Variants in GCFC2 observed in about 807,000 individuals in gnomAD.
GCFC2 encodes the protein GC-rich sequence DNA-binding factor 2, also known as intron Large complex component GCFC2.
Under a neutral mutation model 99.4 loss-of-function variants are expected in GCFC2, and 102 were observed. That is an observed-to-expected ratio of 1.03 (90% CI 0.87 to 1.21). The LOEUF is 1.21. GCFC2 is among the 50% of genes most tolerant of loss of function. GCFC2 has a pLI of 0.00. For missense variants in GCFC2, 973 were observed against 920.9 expected (o/e 1.06, Z -0.73); for synonymous variants, 338 against 316.8 (o/e 1.07, Z -0.71).
At chr2:75,683,771 CAAAAAAAAA>C (rs749580096) in intron 11 of GCFC2, among the ~76,000 whole-genome samples, 2 of 60,424 alleles carry the variant, frequency 3.3e-5, no homozygotes, top group East Asian at 1.1e-3. Context: ...AAATGGAAAG[CAAAAAAAAA>C]AAAAAAAAAA....
At chr2:75,690,571 T>C in intron 8 of GCFC2, 67 bp downstream of exon 8, 3 of 779,746 alleles carry the variant, frequency 3.8e-6, no homozygotes, top group Non-Finnish European at 6.7e-6. Context: ...TGTGGTTAAT[T>C]ATATTTCAGT....
intron 4 of GCFC2, among the ~76,000 whole-genome samples, chr2:75,699,173 T>C (rs1412059264): frequency 6.6e-6 from 1 of 152,162 alleles, no homozygotes; most frequent in Non-Finnish European, 1.5e-5. Context: ...TGAAAAGTCA[T>C]GCAATGCCTA....
intron 4 of GCFC2, among the ~76,000 whole-genome samples, chr2:75,698,727 T>C (rs903843023): frequency 6.6e-6 from 1 of 152,114 alleles, no homozygotes; most frequent in Non-Finnish European, 1.5e-5. Flanking sequence ...ATGTGTTCCA[T>C]ATGGCCAGAC....
At chr2:75,688,755 T>C (rs1257249389) in intron 10 of GCFC2, among the ~76,000 whole-genome samples, 17 of 151,982 alleles carry the variant, frequency 1.1e-4, no homozygotes, top group Admixed American at 1.1e-3. Flanking sequence ...CAGTACCTTA[T>C]ACTTTCTGGG....
chr2:75,688,255 T>C (rs149453309), intron 10 of GCFC2, among the ~76,000 whole-genome samples: 70 of 152,300 alleles, frequency 4.6e-4, no homozygotes, highest in African/African-American at 1.6e-3. Context: ...CTTTAGACCC[T>C]ACCACATGGC....
chr2:75,681,230 C>A (rs1265889270), intron 11 of GCFC2, among the ~76,000 whole-genome samples: 2 of 152,120 alleles, frequency 1.3e-5, no homozygotes, highest in African/African-American at 4.8e-5. Flanking sequence ...CTGAGGTACC[C>A]AGTTCATCTC....
At chr2:75,682,760 T>G (rs1217284063) in intron 11 of GCFC2, among the ~76,000 whole-genome samples, 1 of 151,828 alleles carries the variant, frequency 6.6e-6, no homozygotes, top group Non-Finnish European at 1.5e-5. Flanking sequence ...AATGACCTGA[T>G]GAAGCTGAAA....
rs777698806 is a variant in GCFC2, at chr2:75,689,987, C to T, written c.1321G>A (p.Asp441Asn). The T allele has an allele frequency of 1.3e-6, 2 of 1,592,084 alleles. No homozygotes were observed. The highest frequency in any genetic ancestry group is 4.5e-5 in the East Asian group (2 of 44,606). Residue 441 changes from aspartate to asparagine, a missense_variant, in exon 9 of 17, where the codon GAC (aspartate) becomes AAC (asparagine). Asp to Asn is a conservative substitution (Grantham distance 23). Transcript: ENST00000321027. ...DDELPSAEMI[D>N]FQKSQGDILQ... ...AACTGACCTTGGCTTTTTTGGAAGT[C>T]AATCATCTCTGCTGAAGGCAGTTCA...
Position 75,665,978 on chromosome 2 carries a change from T to C in GCFC2, c.2179A>G (p.Ile727Val), listed in dbSNP as rs1321710477. Residue 727 changes from isoleucine to valine, a missense_variant, in exon 16 of 17, where the codon ATT (isoleucine) becomes GTT (valine). Physicochemically the swap from Ile to Val is conservative, Grantham distance 29. Transcript: ENST00000321027. ...TGTGCAGACTGCAATAAAAACTGAA[T>C]GAAGTTTTCTAGCTGTGGAATAGAT... ...RTSIPQLENF[I>V]QFLLQSAHKL... The C allele has an allele frequency of 1.9e-6, 3 of 1,601,208 alleles. No individual in the cohort carries two copies. Among genetic ancestry groups the C allele is most frequent in the Non-Finnish European group, 2.6e-6 (3 of 1,169,420 alleles).
At chr2:75,691,927 TA>T in intron 7 of GCFC2, 49 bp downstream of exon 7, 1 of 1,017,204 alleles carries the variant, frequency 9.8e-7, no homozygotes, top group African/African-American at 1.6e-5. Context: ...ATTCTTCACA[TA>T]ATTTAGCTTA....
intron 4 of GCFC2, among the ~76,000 whole-genome samples, chr2:75,696,849 A>C (rs13408979): frequency 0.024 from 3,659 of 152,018 alleles, 141 homozygotes; most frequent in African/African-American, 0.083. Context: ...CCAGTGGCAC[A>C]ATCTCGGCTC....
chr2:75,670,986 TATTA>T (rs1679068423), intron 14 of GCFC2, among the ~76,000 whole-genome samples: 1 of 152,198 alleles, frequency 6.6e-6, no homozygotes, highest in African/African-American at 2.4e-5. Context: ...ACATGACAAA[TATTA>T]ATTCACACTA....
intron 12 of GCFC2, among the ~76,000 whole-genome samples, chr2:75,676,326 C>T (rs1679337515): frequency 6.6e-6 from 1 of 152,184 alleles, no homozygotes; most frequent in Non-Finnish European, 1.5e-5. Context: ...TATTAGATTT[C>T]AGTTAACAAT....
At position 75,706,530 on chromosome 2, in the gene GCFC2, T is replaced by C. The variant is rs989217683; in HGVS notation, c.387A>G (p.Ser129=). 3 of 1,588,806 alleles carry C rather than the reference T, an allele frequency of 1.9e-6. No homozygotes were observed. Among genetic ancestry groups the C allele is most frequent in the Admixed American group, 1.7e-5 (1 of 57,252 alleles). The change falls in exon 2 of 17, where the codon TCA becomes TCG. Residue 129 remains serine (S), a synonymous_variant. Coordinates refer to ENST00000321027, the MANE Select transcript of GCFC2 (RefSeq NM_003203.5). ...SSSSLGEKEL[S]STVKIPDAAF... ...ATCATACAAATTACTAACCTGTTGA[T>C]GAAAGTTCTTTTTCTCCAAGAGAGC...
At chr2:75,701,494 G>A in intron 3 of GCFC2, 1 of 524,768 alleles carries the variant, frequency 1.9e-6, no homozygotes, top group East Asian at 3.2e-5. Flanking sequence ...AACTGTCTTA[G>A]GACTATGTTG....
chr2:75,704,978 C>G (rs1680773124), intron 2 of GCFC2, among the ~76,000 whole-genome samples: 1 of 152,198 alleles, frequency 6.6e-6, no homozygotes, highest in Non-Finnish European at 1.5e-5. Context: ...AATCCGCCAT[C>G]TTTTATAGTA....
At chr2:75,690,462 A>G in intron 8 of GCFC2, 176 bp downstream of exon 8, 8 of 565,480 alleles carry the variant, frequency 1.4e-5, no homozygotes, top group Non-Finnish European at 1.5e-5. Flanking sequence ...CAAATACACC[A>G]ATGTGTCTTT....
intron 2 of GCFC2, among the ~76,000 whole-genome samples, chr2:75,706,021 C>T (rs1476215107): frequency 6.6e-6 from 1 of 152,216 alleles, no homozygotes; most frequent in Non-Finnish European, 1.5e-5. Flanking sequence ...CTTTCTAAGA[C>T]ACAAAAACAT....
At chr2:75,707,274 C>A (rs1680916037) in intron 1 of GCFC2, among the ~76,000 whole-genome samples, 1 of 152,074 alleles carries the variant, frequency 6.6e-6, no homozygotes, top group Non-Finnish European at 1.5e-5. Flanking sequence ...CTTTTCAATG[C>A]ATGATTTGGG....
Sources: allele counts gnomAD v4.1 joint callset (sites outside exome capture counted in the v4.1 genomes callset), GRCh38; gene constraint gnomAD v4.1.1; transcripts MANE v1.5; gene names NCBI Gene and HGNC (gene_info 2026-07-23, HGNC 2026-07-21).